The following SEC14L6 variants were observed in gnomAD, a reference collection of about 807,000 sequenced individuals.
SEC14L6 encodes the protein SEC14-like protein 6.
SEC14L6 carries 40 observed loss-of-function variants against 54.1 expected under a neutral mutation model. The ratio of observed to expected loss-of-function variants is 0.74; its 90% CI spans 0.57 to 0.96. SEC14L6 has a LOEUF of 0.96. Ranked by LOEUF, SEC14L6 falls within the 40% of genes least tolerant of loss-of-function variation. The pLI is 0.00. For missense variants in SEC14L6, 471 were observed against 498.3 expected (o/e 0.95, Z 0.52); for synonymous variants, 171 against 198.4 (o/e 0.86, Z 1.16).
At chr22:30,533,771 T>A (rs773301095) in intron 3 of SEC14L6, among the ~76,000 whole-genome samples, 3 of 152,194 alleles carry the variant, frequency 2.0e-5, no homozygotes, top group Non-Finnish European at 4.4e-5. Flanking sequence ...CATTGTACTT[T>A]CCATTCTCAG....
chr22:30,533,299 T>A, intron 3 of SEC14L6: 1 of 236,450 alleles, frequency 4.2e-6, no homozygotes, highest in Non-Finnish European at 6.9e-6. Context: ...CTCCGTGTGC[T>A]CCTAGAATAT....
At chr22:30,543,389 A>C (rs2085758586) in intron 1 of SEC14L6, 3 of 1,591,776 alleles carry the variant, frequency 1.9e-6, no homozygotes, top group African/African-American at 2.7e-5. Flanking sequence ...ATCACCTGCC[A>C]GGTGACGAAA....
intron 2 of SEC14L6, among the ~76,000 whole-genome samples, chr22:30,534,337 G>GT (rs1568969658): frequency 6.6e-6 from 1 of 152,178 alleles, no homozygotes; most frequent in Non-Finnish European, 1.5e-5. Flanking sequence ...ATAAGGCTGA[G>GT]AATTGTTTAA....
intron 3 of SEC14L6, 172 bp from the exon 4 acceptor site, chr22:30,533,028 G>C: frequency 1.0e-6 from 1 of 985,390 alleles, no homozygotes. Flanking sequence ...GGGGATGGAA[G>C]GGGACATGCA....
At chr22:30,538,976 G>C in intron 1 of SEC14L6, 74 bp from the exon 2 acceptor site, 1 of 1,026,982 alleles carries the variant, frequency 9.7e-7, no homozygotes, top group Non-Finnish European at 1.5e-6. Context: ...CTGTCCTTGA[G>C]GAAGGGGATG....
chr22:30,529,276 C>G lies in SEC14L6; in HGVS notation c.580+13G>C. ...CCCCCCAACTCATGCATATCCTGGG[C>G]TGCTTTACTCACCTCTCACAACAAT... On this transcript the variant is annotated intron_variant, in intron 7 of 11. Transcript: ENST00000402034. 6.5e-7 allele frequency: 1 copy of G among 1,550,176 alleles called. No homozygotes were observed. Among genetic ancestry groups the G allele is most frequent in the Non-Finnish European group, 8.7e-7 (1 of 1,146,606 alleles).
intron 1 of SEC14L6, among the ~76,000 whole-genome samples, chr22:30,540,121 T>C (rs1054245593): frequency 6.6e-6 from 1 of 152,214 alleles, no homozygotes; most frequent in African/African-American, 2.4e-5. Flanking sequence ...TGATAACCTT[T>C]GTCTAAAGGA....
intron 1 of SEC14L6, 54 bp from the exon 2 acceptor site, chr22:30,538,956 C>A (rs999711466): frequency 2.6e-5 from 32 of 1,242,138 alleles, no homozygotes; most frequent in Middle Eastern, 1.9e-4. Context: ...CTCGGTCCTG[C>A]AGGTCTCAAC....
In SEC14L6 at chr22:30,524,140, T is replaced by G. The variant is rs1308492292; in HGVS notation, c.*857A>C. 1 of 152,350 alleles carries G rather than the reference T, an allele frequency of 6.6e-6. No individual in the cohort carries two copies. The highest frequency in any genetic ancestry group is 3.4e-3 in the Middle Eastern group (1 of 294). The allele number at this position is 152,350 out of a possible 1,614,324, so 9.4% of individuals were successfully genotyped here. On this transcript the variant is annotated 3_prime_UTR_variant, in exon 12 of 12. Coordinates refer to ENST00000402034, the MANE Select transcript of SEC14L6 (RefSeq NM_001193336.4). ...TAGCAAATCTCAAGCCTGCTTACCC[T>G]GCCTCACCAGTTCCTTCCTGCAGAA...
At chr22:30,531,873 C>T (rs1277459585) in intron 6 of SEC14L6, 30 bp downstream of exon 6, 4 of 1,489,228 alleles carry the variant, frequency 2.7e-6, no homozygotes, top group Non-Finnish European at 3.7e-6. Context: ...ATTTGACCAC[C>T]CACCCATGCC....
At chr22:30,540,516 G>C (rs1031516586) in intron 1 of SEC14L6, among the ~76,000 whole-genome samples, 3 of 151,740 alleles carry the variant, frequency 2.0e-5, no homozygotes, top group African/African-American at 4.8e-5. Context: ...AGGAGTTTGA[G>C]ACCACCCTGG....
intron 8 of SEC14L6, among the ~76,000 whole-genome samples, chr22:30,526,290 G>A (rs747391022): frequency 4.6e-5 from 7 of 152,180 alleles, no homozygotes; most frequent in African/African-American, 4.8e-5. Context: ...GCTATGACCC[G>A]GTCTTCGCTT....
intron 3 of SEC14L6, chr22:30,533,267 C>T (rs1433780600): frequency 2.9e-6 from 1 of 341,666 alleles, no homozygotes; most frequent in African/African-American, 2.2e-5. Flanking sequence ...CTCATCACTT[C>T]CCCTTCTCTC....
chr22:30,536,712 G>A (rs749958646), intron 2 of SEC14L6, among the ~76,000 whole-genome samples: 5 of 152,050 alleles, frequency 3.3e-5, no homozygotes, highest in Admixed American at 6.6e-5. Flanking sequence ...GGAGGAGGAG[G>A]GAAAGAGAAG....
intron 1 of SEC14L6, chr22:30,542,454 C>T: frequency 1.9e-6 from 1 of 512,820 alleles, no homozygotes. Flanking sequence ...GTAGCCAGCT[C>T]GCAGCGCTGA....
At chr22:30,543,529 T>A (rs1056115506) in intron 1 of SEC14L6, 1 of 1,613,178 alleles carries the variant, frequency 6.2e-7, no homozygotes, top group African/African-American at 1.3e-5. Context: ...GGTGAATGTA[T>A]CTGCCCACAG....
intron 1 of SEC14L6, 61 bp downstream of exon 1, chr22:30,546,564 TCCTG>T (rs955367950): frequency 6.9e-7 from 1 of 1,446,090 alleles, no homozygotes; most frequent in African/African-American, 1.4e-5. Flanking sequence ...GGACCTTGAG[TCCTG>T]CCCTTCCCCG....
chr22:30,525,361 T>C lies in SEC14L6; in HGVS notation c.1070A>G (p.Gln357Arg). 1 of 1,614,120 alleles carries C rather than the reference T, an allele frequency of 6.2e-7. No homozygotes were observed. Among genetic ancestry groups the C allele is most frequent in the Admixed American group, 1.7e-5 (1 of 60,016 alleles). The change falls in exon 11 of 12, where the codon CAG (glutamine) becomes CGG (arginine). Residue 357 changes from glutamine to arginine, a missense_variant. Coordinates refer to ENST00000402034, the MANE Select transcript of SEC14L6 (RefSeq NM_001193336.4). The part of the protein sequence containing the change: ...VPEDGILTCL[Q>R]AGSYVLRFYN... ...CTGCCAACTCTTACAGCTGCCGGCC[T>C]GGAGGCAGGTGAGAATCCCATCTTC... is the stretch of plus-strand genomic sequence containing the variant.
At position 30,529,301 on chromosome 22, in the gene SEC14L6, T is replaced by C. The variant is rs766718168; in HGVS notation, c.568A>G (p.Ile190Val). Residue 190 changes from isoleucine to valine, a missense_variant, in exon 7 of 12, where the codon ATT becomes GTT. Physicochemically the swap from Ile to Val is conservative, Grantham distance 29 (BLOSUM62 3). Transcript: ENST00000402034. ...ANYPEILKSLIVVRAPKLFAV... is the reference protein window; with the variant it reads ...ANYPEILKSLVVVRAPKLFAV... ...CTGCTTTACTCACCTCTCACAACAATTAAACTCTTCAAGATCTCAGGGTAA... is the reference window on the plus strand; with the variant it reads ...CTGCTTTACTCACCTCTCACAACAACTAAACTCTTCAAGATCTCAGGGTAA... The C allele has an allele frequency of 8.4e-6, 13 of 1,550,482 alleles. No homozygotes were observed. The highest frequency in any genetic ancestry group is 1.0e-5 in the Non-Finnish European group (12 of 1,146,958).
Sources: gnomAD v4.1 joint callset for allele counts (sites outside exome capture counted in the v4.1 genomes callset) on GRCh38, gnomAD v4.1.1 for gene constraint, MANE v1.5 for transcripts, NCBI Gene and HGNC (gene_info 2026-07-23, HGNC 2026-07-21) for gene names.